SOX6: variants seen among roughly 807,000 people sequenced by gnomAD.
SOX6 encodes SRY-box transcription factor 6, also known as transcription factor SOX-6.
Under a neutral mutation model 97.8 loss-of-function variants are expected in SOX6, and 11 were observed. That is an observed-to-expected ratio of 0.11 (90% CI 0.07 to 0.19). The LOEUF (loss-of-function observed/expected upper bound fraction) is 0.19, where lower values mean the gene tolerates loss of function less well. Ranked by LOEUF, SOX6 falls within the 10% of genes least tolerant of loss-of-function variation. The pLI, the probability that SOX6 is intolerant of heterozygous loss-of-function variation, is 1.00. For missense variants in SOX6, 810 were observed against 1,039.5 expected (o/e 0.78, Z 3.04); for synonymous variants, 360 against 371.4 (o/e 0.97, Z 0.35).
intron 10 of SOX6, among the ~76,000 whole-genome samples, chr11:16,050,330 T>C (rs1372925340): frequency 6.6e-6 from 1 of 152,196 alleles, no homozygotes; most frequent in Non-Finnish European, 1.5e-5. Flanking sequence ...TAGCTATAAA[T>C]AGTCTCTGCA....
intron 3 of SOX6, among the ~76,000 whole-genome samples, chr11:16,251,673 A>C (rs995849868): frequency 6.6e-6 from 1 of 152,194 alleles, no homozygotes; most frequent in Non-Finnish European, 1.5e-5. Context: ...GGAGGAAATA[A>C]TACCAATGTA....
At chr11:16,123,919 CCT>C (rs1413814255) in intron 6 of SOX6, among the ~76,000 whole-genome samples, 2 of 152,100 alleles carry the variant, frequency 1.3e-5, no homozygotes, top group Non-Finnish European at 2.9e-5. Flanking sequence ...TTAACATACC[CCT>C]GACTCCTCTT....
At chr11:16,513,915 A>G (rs971496398) in intron 4 of SOX6, among the ~76,000 whole-genome samples, 4 of 152,152 alleles carry the variant, frequency 2.6e-5, no homozygotes, top group Admixed American at 1.3e-4. Context: ...GCAAAAATCC[A>G]TCTAAATGTA....
chr11:16,417,748 A>C (rs1333898585), intron 1 of SOX6, among the ~76,000 whole-genome samples: 1 of 152,192 alleles, frequency 6.6e-6, no homozygotes, highest in African/African-American at 2.4e-5. Context: ...ATGGAACACA[A>C]TTGCTTAAAC....
At chr11:16,579,900 A>C (rs1455007291) in intron 4 of SOX6, among the ~76,000 whole-genome samples, 1 of 152,138 alleles carries the variant, frequency 6.6e-6, no homozygotes, top group Non-Finnish European at 1.5e-5. Flanking sequence ...AACAATTTAC[A>C]CTCCCAGTGT....
rs1218059173 is a variant in SOX6, at chr11:16,259,174, T to G, written c.446-24503A>C. 2.0e-5 allele frequency among the ~76,000 whole-genome samples: 3 copies of G among 151,770 alleles called. 1 individual carries two copies. Among genetic ancestry groups the G allele is most frequent in the South Asian group, 4.1e-4 (2 of 4,834 alleles). On this transcript the variant is annotated intron_variant, in intron 3 of 15. Transcript: ENST00000683767. ...TATGAAAATATATTTATTTCAAATATTTGCAAAAAATAGAAAATAAATTTT... is the reference window on the plus strand; with the variant it reads ...TATGAAAATATATTTATTTCAAATAGTTGCAAAAAATAGAAAATAAATTTT...
chr11:16,713,075 T>C (rs1201606942), intron 3 of SOX6, among the ~76,000 whole-genome samples: 1 of 152,204 alleles, frequency 6.6e-6, no homozygotes, highest in Non-Finnish European at 1.5e-5. Flanking sequence ...TGACACAGCA[T>C]TAACTGACAG....
At chr11:16,465,328 T>G (rs1286837038) in intron 1 of SOX6, among the ~76,000 whole-genome samples, 1 of 152,164 alleles carries the variant, frequency 6.6e-6, no homozygotes, top group African/African-American at 2.4e-5. Flanking sequence ...AATGTTTTAA[T>G]CCCTTAAAAC....
At chr11:16,166,156 A>G (rs901906290) in intron 6 of SOX6, among the ~76,000 whole-genome samples, 1 of 152,116 alleles carries the variant, frequency 6.6e-6, no homozygotes, top group African/African-American at 2.4e-5. Flanking sequence ...AAAGGAATTT[A>G]AGTGATTTTT....
At position 16,336,719 on chromosome 11, in the gene SOX6, T is replaced by C. The variant is rs538031193; in HGVS notation, c.237+4293A>G. ...AGTTTAAACACTTCCCTGTAGCCTA[T>C]GAGACTCCATAATATCTGTAATCTG... On this transcript the variant is annotated intron_variant, in intron 2 of 15. Transcript: ENST00000683767. Among the ~76,000 whole-genome samples, 9 of 152,306 alleles carry C rather than the reference T, an allele frequency of 5.9e-5. No homozygotes were observed. In the East Asian group the frequency reaches 1.5e-3, roughly 26 times the overall value.
intron 3 of SOX6, among the ~76,000 whole-genome samples, chr11:16,700,947 G>A (rs1199407267): frequency 6.6e-6 from 1 of 152,048 alleles, no homozygotes; most frequent in African/African-American, 2.4e-5. Flanking sequence ...TCAATCCCTA[G>A]GTCCTAGTTT....
intron 1 of SOX6, among the ~76,000 whole-genome samples, chr11:16,427,481 TC>T (rs1448138498): frequency 7.1e-6 from 1 of 141,648 alleles, no homozygotes; most frequent in Non-Finnish European, 1.5e-5. Flanking sequence ...CCCTCCCCAC[TC>T]CCCCCACCCC....
chr11:16,351,513 C>G (rs1474268675), intron 1 of SOX6, among the ~76,000 whole-genome samples: 2 of 152,066 alleles, frequency 1.3e-5, no homozygotes, highest in Non-Finnish European at 2.9e-5. Flanking sequence ...CTCTCCTGAT[C>G]AAAAAACATC....
chr11:16,265,315 G>A (rs1443589525), intron 3 of SOX6, among the ~76,000 whole-genome samples: 1 of 151,910 alleles, frequency 6.6e-6, no homozygotes, highest in Non-Finnish European at 1.5e-5. Context: ...CGTGGAAATA[G>A]TCATGATTTG....
intron 3 of SOX6, among the ~76,000 whole-genome samples, chr11:16,252,902 T>C (rs935163072): frequency 3.3e-5 from 5 of 152,144 alleles, no homozygotes; most frequent in Non-Finnish European, 7.4e-5. Context: ...ACCTGAGATG[T>C]AATCATAGGA....
At chr11:16,139,262 G>A (rs560004395) in intron 6 of SOX6, among the ~76,000 whole-genome samples, 90 of 152,120 alleles carry the variant, frequency 5.9e-4, no homozygotes, top group Middle Eastern at 6.8e-3. Flanking sequence ...TGAATGTATC[G>A]TTCTTTATCC....
At chr11:16,043,292 G>A (rs1008461837) in intron 12 of SOX6, among the ~76,000 whole-genome samples, 1 of 152,122 alleles carries the variant, frequency 6.6e-6, no homozygotes, top group East Asian at 1.9e-4. Context: ...ACCCAGGGCG[G>A]TAACTTAGAC....
At chr11:16,257,421 G>A (rs1218650352) in intron 3 of SOX6, among the ~76,000 whole-genome samples, 1 of 151,868 alleles carries the variant, frequency 6.6e-6, no homozygotes, top group Non-Finnish European at 1.5e-5. Context: ...ATGGTCAACT[G>A]ATTTTTGACA....
intron 4 of SOX6, among the ~76,000 whole-genome samples, chr11:16,209,234 T>C (rs1852152670): frequency 6.6e-6 from 1 of 152,202 alleles, no homozygotes; most frequent in African/African-American, 2.4e-5. Flanking sequence ...TTTTAATTTC[T>C]AATACTAGAA....
Sources: allele counts gnomAD v4.1 joint callset (sites outside exome capture counted in the v4.1 genomes callset), GRCh38; gene constraint gnomAD v4.1.1; transcripts MANE v1.5; gene names NCBI Gene and HGNC (gene_info 2026-07-23, HGNC 2026-07-21).